The following PARD3B variants were observed in gnomAD, a reference collection of about 807,000 sequenced individuals.
PARD3B encodes partitioning defective 3 homolog B.
Under a neutral mutation model 130.2 loss-of-function variants are expected in PARD3B, and 103 were observed. That is an observed-to-expected ratio of 0.79 (90% CI 0.67 to 0.93). The LOEUF is 0.93. PARD3B is among the 40% of genes least tolerant of loss of function. PARD3B has a pLI of 0.00. For missense variants in PARD3B, 1,609 were observed against 1,499.2 expected, an observed-to-expected ratio of 1.07 and a Z score of -1.21; for synonymous variants, 583 against 553.2, an observed-to-expected ratio of 1.05 and a Z score of -0.76.
chr2:204,697,175 T>C (rs1448192500), intron 2 of PARD3B, among the ~76,000 whole-genome samples: 1 of 152,128 alleles, frequency 6.6e-6, no homozygotes, highest in Non-Finnish European at 1.5e-5. Context: ...GGCCACTGTA[T>C]ACCAGTTCAA....
At chr2:205,600,408 C>T (rs2054738561) in intron 22 of PARD3B, among the ~76,000 whole-genome samples, 1 of 152,172 alleles carries the variant, frequency 6.6e-6, no homozygotes, top group African/African-American at 2.4e-5. Context: ...CACAGGTAAT[C>T]CACATCACCC....
intron 16 of PARD3B, among the ~76,000 whole-genome samples, chr2:205,251,986 A>G (rs1348620974): frequency 6.6e-6 from 1 of 152,196 alleles, no homozygotes; most frequent in Non-Finnish European, 1.5e-5. Flanking sequence ...GTTGTCATAA[A>G]GAAGTTAGCA....
intron 2 of PARD3B, among the ~76,000 whole-genome samples, chr2:204,716,700 G>C (rs1444618342): frequency 1.4e-5 from 2 of 147,956 alleles, no homozygotes; most frequent in Non-Finnish European, 3.0e-5. Context: ...TCGGCTCACT[G>C]CAAGTTCCGC....
chr2:204,903,634 T>C (rs180747075), intron 2 of PARD3B, among the ~76,000 whole-genome samples: 169 of 152,312 alleles, frequency 1.1e-3, no homozygotes, highest in African/African-American at 3.7e-3. Flanking sequence ...AAAAATTTCC[T>C]CATTCTCTTT....
chr2:205,437,425 T>C (rs1399382406), intron 19 of PARD3B, among the ~76,000 whole-genome samples: 1 of 152,140 alleles, frequency 6.6e-6, no homozygotes, highest in East Asian at 1.9e-4. Flanking sequence ...CCAAAAACTC[T>C]CAGAATAATC....
chr2:205,121,826 C>A lies in PARD3B; in HGVS notation c.1042C>A (p.Gln348Lys), dbSNP rs1171893576. The A allele has an allele frequency of 5.0e-6, 8 of 1,614,108 alleles. No homozygotes were observed. The highest frequency in any genetic ancestry group is 6.8e-6 in the Non-Finnish European group (8 of 1,180,006). Residue 348 changes from glutamine (Q) to lysine (K), a missense_variant, in exon 8 of 23, where the codon CAA (glutamine) becomes AAA (lysine). Physicochemically the swap from Gln to Lys is moderately conservative, Grantham distance 53. Coordinates refer to ENST00000406610, the MANE Select transcript of PARD3B (RefSeq NM_001302769.2). This position sits in a 1 kb window ranked among gnomAD's most constrained non-coding sequence, Gnocchi z 5.0. ...SPETDASASL[Q>K]QNKSPRVPRL... ...TGAAACAGATGCATCAGCTTCCCTG[C>A]AACAAAACAAGAGTCCCCGAGTACC...
chr2:205,073,117 G>GT (rs938598736), intron 4 of PARD3B, among the ~76,000 whole-genome samples: 57 of 152,204 alleles, frequency 3.7e-4, no homozygotes, highest in African/African-American at 1.1e-3. Flanking sequence ...CTAAGATTTT[G>GT]TTTTTTGGTT....
intron 4 of PARD3B, among the ~76,000 whole-genome samples, chr2:205,087,377 A>G (rs949924985): frequency 1.6e-4 from 24 of 152,126 alleles, no homozygotes; most frequent in Middle Eastern, 3.2e-3. Flanking sequence ...TTTTATACCA[A>G]TCAAATTACA....
intron 2 of PARD3B, among the ~76,000 whole-genome samples, chr2:204,923,599 C>T (rs2047765647): frequency 6.6e-6 from 1 of 151,838 alleles, no homozygotes; most frequent in Admixed American, 6.6e-5. Context: ...ATTAGGAAGG[C>T]AATGTCTTAA....
chr2:204,995,347 T>G (rs1210869364), intron 3 of PARD3B, among the ~76,000 whole-genome samples: 2 of 147,656 alleles, frequency 1.4e-5, no homozygotes, highest in Non-Finnish European at 3.0e-5. Flanking sequence ...TGAAGCTTAG[T>G]TTGGCTGGAT....
chr2:205,172,517 T>C, intron 12 of PARD3B, 136 bp downstream of exon 12: 2 of 878,300 alleles, frequency 2.3e-6, no homozygotes, highest in South Asian at 4.0e-5. Flanking sequence ...AAACAGGTGG[T>C]TGTGTATTTT....
At chr2:205,053,452 C>T (rs2125429377) in intron 4 of PARD3B, among the ~76,000 whole-genome samples, 1 of 151,966 alleles carries the variant, frequency 6.6e-6, no homozygotes, top group Admixed American at 6.6e-5. Context: ...AGCTGGCCAA[C>T]ATGGTGAGAC....
intron 4 of PARD3B, among the ~76,000 whole-genome samples, chr2:205,073,485 G>C (rs1242235416): frequency 6.6e-6 from 1 of 152,170 alleles, no homozygotes; most frequent in Non-Finnish European, 1.5e-5. Context: ...GGGAAAAAAA[G>C]TCCAAATGTA....
intron 16 of PARD3B, among the ~76,000 whole-genome samples, chr2:205,248,074 G>A (rs945256659): frequency 2.6e-5 from 4 of 152,024 alleles, no homozygotes; most frequent in African/African-American, 9.7e-5. Flanking sequence ...GACTACATGT[G>A]CATGCCACCA....
chr2:205,577,086 C>T (rs1407262035), intron 22 of PARD3B, among the ~76,000 whole-genome samples: 1 of 152,120 alleles, frequency 6.6e-6, no homozygotes, highest in Non-Finnish European at 1.5e-5. Flanking sequence ...ATTTTAATTG[C>T]ACTTGTTCAT....
At chr2:205,371,125 T>A (rs2044799361) in intron 18 of PARD3B, among the ~76,000 whole-genome samples, 1 of 152,154 alleles carries the variant, frequency 6.6e-6, no homozygotes, top group Admixed American at 6.5e-5. Flanking sequence ...TAATTGAAAA[T>A]CATCTTGGAA....
intron 3 of PARD3B, among the ~76,000 whole-genome samples, chr2:205,037,102 GACT>G (rs1221767483): frequency 7.0e-5 from 9 of 129,198 alleles, no homozygotes; most frequent in Non-Finnish European, 1.4e-4. Flanking sequence ...ATATATAGCG[GACT>G]GTATATATAA....
At chr2:205,400,556 G>A (rs377395623) in intron 18 of PARD3B, among the ~76,000 whole-genome samples, 55 of 151,948 alleles carry the variant, frequency 3.6e-4, no homozygotes, top group African/African-American at 7.0e-4. Flanking sequence ...CACGAGAATC[G>A]CTTGAACCCC....
rs1397323034 is a variant in PARD3B at position 204,689,408 on chromosome 2, T to A, written c.222+3126T>A. Among the ~76,000 whole-genome samples, 1 of 152,206 alleles carries A rather than the reference T, an allele frequency of 6.6e-6. No individual in the cohort carries two copies. The highest frequency in any genetic ancestry group is 1.5e-5 in the Non-Finnish European group (1 of 68,018). On this transcript the variant is annotated intron_variant, in intron 2 of 22. Transcript: ENST00000406610. This position sits in a 1 kb window ranked among gnomAD's most constrained non-coding sequence, Gnocchi z 5.2. Reference sequence around the variant, plus strand: ...AACAGCTTTGGAATATTGCATCTTATGATAACTATTTGTATAAAATGTTGT... The same window carrying A: ...AACAGCTTTGGAATATTGCATCTTAAGATAACTATTTGTATAAAATGTTGT...
Sources: allele counts gnomAD v4.1 joint callset (sites outside exome capture counted in the v4.1 genomes callset), GRCh38; gene constraint gnomAD v4.1.1; non-coding constraint Gnocchi (gnomAD v3.1); transcripts MANE v1.5; gene names NCBI Gene and HGNC (gene_info 2026-07-23, HGNC 2026-07-21).